The following KDM4C variants were observed in gnomAD, a reference collection of about 807,000 sequenced individuals.
KDM4C encodes the protein lysine-specific demethylase 4C.
In KDM4C, 81 loss-of-function variants were observed where a neutral mutation model predicts 129.3. The observed-to-expected ratio is 0.63, with a 90% confidence interval of 0.52 to 0.75. The LOEUF (loss-of-function observed/expected upper bound fraction) is 0.75. KDM4C is among the 30% of genes least tolerant of loss of function. The pLI, the probability that KDM4C is intolerant of heterozygous loss-of-function variation, is 0.00. For missense variants in KDM4C, 1,457 were observed against 1,304.0 expected, an observed-to-expected ratio of 1.12 and a Z score of -1.81; for synonymous variants, 573 against 456.1, an observed-to-expected ratio of 1.26 and a Z score of -3.26.
chr9:6,782,592 C>G (rs1012986290), intron 1 of KDM4C, among the ~76,000 whole-genome samples: 12 of 152,178 alleles, frequency 7.9e-5, no homozygotes, highest in African/African-American at 2.9e-4. Context: ...TATAGCACAG[C>G]AAAGGAGGGA....
chr9:6,760,666 G>A (rs968135933), intron 1 of KDM4C, among the ~76,000 whole-genome samples: 1 of 151,868 alleles, frequency 6.6e-6, no homozygotes, highest in African/African-American at 2.4e-5. Flanking sequence ...CGCCTCCTGG[G>A]TTCACACCAT....
At chr9:6,890,333 T>C (rs1053118268) in intron 7 of KDM4C, among the ~76,000 whole-genome samples, 2 of 152,200 alleles carry the variant, frequency 1.3e-5, no homozygotes, top group Non-Finnish European at 2.9e-5. Context: ...AGATAATCTA[T>C]AGACAGAGTT....
intron 1 of KDM4C, among the ~76,000 whole-genome samples, chr9:6,730,577 T>C (rs376454998): frequency 7.4e-4 from 111 of 150,382 alleles, no homozygotes; most frequent in African/African-American, 2.5e-3. Flanking sequence ...ATCGTGCCAC[T>C]GCACTCCAGC....
chr9:6,999,054 A>G (rs1820295909), intron 12 of KDM4C, among the ~76,000 whole-genome samples: 1 of 152,094 alleles, frequency 6.6e-6, no homozygotes. Context: ...GACACTTTGC[A>G]ATTGTCCCTC....
rs540927165 is a variant in KDM4C at position 7,056,939 on chromosome 9, C to T, written c.2424+7739C>T. Among the ~76,000 whole-genome samples, 7 of 152,238 alleles carry T rather than the reference C, an allele frequency of 4.6e-5. No individual in the cohort carries two copies. The East Asian group carries it at 7.7e-4, about 17-fold the overall frequency. On this transcript the variant is annotated intron_variant, in intron 17 of 21. Coordinates refer to ENST00000381309, the MANE Select transcript of KDM4C (RefSeq NM_015061.6). The stretch of plus-strand genomic sequence containing the variant: ...CAATACCAACAAACACATGCCAAAC[C>T]GAGGCAGCTGTTAGACAGCTCTAAA...
At position 6,758,293 on chromosome 9, in the gene KDM4C, G is replaced by C. The variant is rs1275551354; in HGVS notation, c.-18+90G>C. On this transcript the variant is annotated intron_variant, in intron 1 of 21. Transcript: ENST00000381309. This position sits in a 1 kb window ranked among gnomAD's most constrained non-coding sequence, Gnocchi z 4.6. ...CTGCCCCCCTCCGCGTGGGGCACGG[G>C]GGTGCGGGCGTCCGGGCGAGCGGCG... 1 of 782,026 alleles carries C rather than the reference G, an allele frequency of 1.3e-6. No individual in the cohort carries two copies. The highest frequency in any genetic ancestry group is 1.3e-4 in the East Asian group (1 of 7,878). 48.4% of individuals were successfully genotyped at this position (782,026 alleles called of 1,614,324 possible). A position where few individuals can be genotyped will look rare whatever the true frequency, so the allele number is the denominator to read the frequency against.
At chr9:7,111,609 G>A (rs756704062) in intron 18 of KDM4C, among the ~76,000 whole-genome samples, 195 of 152,252 alleles carry the variant, frequency 1.3e-3, no homozygotes, top group Non-Finnish European at 4.0e-4. Context: ...TCTAAGCACA[G>A]GGAATAGTGT....
chr9:7,079,021 AG>A (rs1834233080), intron 17 of KDM4C, among the ~76,000 whole-genome samples: 1 of 152,200 alleles, frequency 6.6e-6, no homozygotes, highest in Admixed American at 6.5e-5. Flanking sequence ...GACTCCCAGA[AG>A]AAAAGCAGGT....
At chr9:6,969,310 C>G (rs1434336280) in intron 8 of KDM4C, among the ~76,000 whole-genome samples, 1 of 151,858 alleles carries the variant, frequency 6.6e-6, no homozygotes, top group Non-Finnish European at 1.5e-5. Context: ...TATGTATAAA[C>G]TTTTCATATT....
chr9:6,917,394 TCTTA>T (rs1171915901), intron 8 of KDM4C, among the ~76,000 whole-genome samples: 5 of 152,290 alleles, frequency 3.3e-5, no homozygotes, highest in Admixed American at 3.3e-4. Context: ...CACCTCAACT[TCTTA>T]CTTCCCCCTT....
chr9:7,174,932 C>A lies in KDM4C; in HGVS notation c.*203C>A. On this transcript the variant is annotated 3_prime_UTR_variant, in exon 22 of 22. Coordinates refer to ENST00000381309, the MANE Select transcript of KDM4C (RefSeq NM_015061.6). ...TGGACGCAGCAATCTGAAATCATCTCTAGTCTTGCTTTCACTTGTGAGCAG... is the reference window on the plus strand; with the variant it reads ...TGGACGCAGCAATCTGAAATCATCTATAGTCTTGCTTTCACTTGTGAGCAG... The A allele has an allele frequency of 2.1e-6, 1 of 481,308 alleles. No homozygotes were observed. Among genetic ancestry groups the A allele is most frequent in the Non-Finnish European group, 3.8e-6 (1 of 266,604 alleles). The allele number at this position is 481,308 out of a possible 1,614,324, so 29.8% of individuals were successfully genotyped here.
chr9:7,123,717 G>A (rs1351257061), intron 18 of KDM4C, among the ~76,000 whole-genome samples: 3 of 152,188 alleles, frequency 2.0e-5, no homozygotes, highest in African/African-American at 7.2e-5. Flanking sequence ...GTTAACAAAG[G>A]CTTTGGGAGC....
chr9:6,936,771 C>A (rs778125072), intron 8 of KDM4C, among the ~76,000 whole-genome samples: 1 of 152,154 alleles, frequency 6.6e-6, no homozygotes, highest in Non-Finnish European at 1.5e-5. Context: ...TGGTAACTCC[C>A]ATTTTTGCTT....
At chr9:6,889,255 G>GTGTGTGTGTGT in intron 7 of KDM4C, among the ~76,000 whole-genome samples, 1 of 146,624 alleles carries the variant, frequency 6.8e-6, no homozygotes, top group Non-Finnish European at 1.5e-5. Context: ...GTGTGTGGGA[G>GTGTGTGTGTGT]GGTGGGGGGG....
rs62568053 is a variant in KDM4C, at chr9:6,808,144, T to G, written c.320+2370T>G. Among the ~76,000 whole-genome samples the G allele has an allele frequency of 7.5e-5, 4 of 53,190 alleles. 1 individual carries two copies. The highest frequency in any genetic ancestry group is 3.0e-4 in the Admixed American group (2 of 6,594). 34.9% of individuals were successfully genotyped at this position (53,190 alleles called of 152,430 possible). On this transcript the variant is annotated intron_variant, in intron 3 of 21. Coordinates refer to ENST00000381309, the MANE Select transcript of KDM4C (RefSeq NM_015061.6). ...GGCGCCTCTGCCCGGCCGCCCCTAC[T>G]GGGAAGTGAGGAGCTCCTCTGCCCG...
chr9:6,848,887 G>A (rs1442709775), intron 4 of KDM4C, among the ~76,000 whole-genome samples: 1 of 152,142 alleles, frequency 6.6e-6, no homozygotes, highest in Non-Finnish European at 1.5e-5. Flanking sequence ...AACATAAGAG[G>A]TAAATATTTA....
chr9:6,835,027 C>T lies in KDM4C; in HGVS notation c.436-14480C>T, dbSNP rs1021487553. The T allele has an allele frequency of 8.4e-6, 8 of 947,946 alleles. No homozygotes were observed. In the Admixed American group the frequency reaches 1.0e-4, roughly 12 times the overall value. The allele number at this position is 947,946 out of a possible 1,614,324, so 58.7% of individuals were successfully genotyped here. A position where few individuals can be genotyped will look rare whatever the true frequency, so the allele number is the denominator to read the frequency against. On this transcript the variant is annotated intron_variant, in intron 4 of 21. Coordinates refer to ENST00000381309, the MANE Select transcript of KDM4C (RefSeq NM_015061.6). Reference sequence around the variant, plus strand: ...GGGACCTGACTACCTCATGAAGATCCTTACCGAGCGTGGCTACAGCTTCAC... The same window carrying T: ...GGGACCTGACTACCTCATGAAGATCTTTACCGAGCGTGGCTACAGCTTCAC...
intron 8 of KDM4C, among the ~76,000 whole-genome samples, chr9:6,922,335 C>G (rs1053131556): frequency 1.3e-5 from 2 of 152,208 alleles, no homozygotes; most frequent in African/African-American, 2.4e-5. Flanking sequence ...TGGTTATAGT[C>G]ATAAGGAAAG....
At position 6,927,089 on chromosome 9, in the gene KDM4C, TTCTATCTATCTA is replaced by T. The variant is rs34242647; in HGVS notation, c.921+33897_921+33908del. ...AGATTCTATCCTTTCAAAAAAAATT[TTCTATCTATCTA>T]TCTATCTATCTATCTATCTATCTAT... On this transcript the variant is annotated intron_variant, in intron 8 of 21. Coordinates refer to ENST00000381309, the MANE Select transcript of KDM4C (RefSeq NM_015061.6). 1.5e-3 allele frequency among the ~76,000 whole-genome samples: 218 copies of T among 145,200 alleles called. 2 individuals are homozygous for T. Among genetic ancestry groups the T allele is most frequent in the South Asian group, 4.7e-3 (21 of 4,444 alleles).
Sources: allele counts gnomAD v4.1 joint callset (sites outside exome capture counted in the v4.1 genomes callset), GRCh38; gene constraint gnomAD v4.1.1; non-coding constraint Gnocchi (gnomAD v3.1); transcripts MANE v1.5; gene names NCBI Gene and HGNC (gene_info 2026-07-23, HGNC 2026-07-21).